The following RFX3 variants were observed in gnomAD, a reference collection of about 807,000 sequenced individuals.
The protein encoded by RFX3 is regulatory factor X3.
In RFX3, 14 loss-of-function variants were observed where a neutral mutation model predicts 98.6. The observed-to-expected ratio is 0.14, with a 90% confidence interval of 0.09 to 0.22. RFX3 has a LOEUF of 0.22. Ranked by LOEUF, RFX3 falls within the 10% of genes least tolerant of loss-of-function variation. RFX3 has a pLI of 1.00. For missense variants in RFX3, 639 were observed against 926.9 expected, an observed-to-expected ratio of 0.69 and a Z score of 4.03; for synonymous variants, 383 against 328.4, an observed-to-expected ratio of 1.17 and a Z score of -1.80.
chr9:3,493,963 G>C (rs1425038458), intron 1 of RFX3, among the ~76,000 whole-genome samples: 1 of 151,626 alleles, frequency 6.6e-6, no homozygotes, highest in Non-Finnish European at 1.5e-5. Context: ...ATCTCTGAAG[G>C]TTTCCCTAAC....
chr9:3,485,811 AC>A (rs1234925723), intron 1 of RFX3, among the ~76,000 whole-genome samples: 2 of 152,120 alleles, frequency 1.3e-5, no homozygotes, highest in Non-Finnish European at 2.9e-5. Context: ...AGAACTTTAA[AC>A]CTGGTAAAGA....
intron 1 of RFX3, among the ~76,000 whole-genome samples, chr9:3,450,748 AT>A (rs148784645): frequency 0.029 from 4,342 of 152,226 alleles, 221 homozygotes; most frequent in African/African-American, 0.1. Flanking sequence ...TCATTACAGA[AT>A]TTTTTTAAAA....
intron 2 of RFX3, among the ~76,000 whole-genome samples, chr9:3,353,553 G>C (rs1193702692): frequency 6.6e-6 from 1 of 151,924 alleles, no homozygotes; most frequent in Non-Finnish European, 1.5e-5. Context: ...TGAACACCTA[G>C]GGCATTCTGT....
At chr9:3,356,759 T>A (rs1229220324) in intron 2 of RFX3, among the ~76,000 whole-genome samples, 1 of 151,948 alleles carries the variant, frequency 6.6e-6, no homozygotes, top group East Asian at 1.9e-4. Context: ...TCTAATAATA[T>A]ATTTACAGGA....
intron 1 of RFX3, among the ~76,000 whole-genome samples, chr9:3,503,996 G>C (rs1007731657): frequency 6.6e-6 from 1 of 151,044 alleles, no homozygotes; most frequent in Non-Finnish European, 1.5e-5. Context: ...TTTTTTAAGT[G>C]TTTCCAAAGA....
intron 3 of RFX3, among the ~76,000 whole-genome samples, chr9:3,339,621 T>C (rs1223432015): frequency 2.6e-5 from 4 of 152,174 alleles, no homozygotes; most frequent in African/African-American, 9.7e-5. Context: ...GCACCTATCA[T>C]GGGCCACTGT....
chr9:3,231,258 G>A (rs1818405720), intron 15 of RFX3, among the ~76,000 whole-genome samples: 1 of 152,098 alleles, frequency 6.6e-6, no homozygotes, highest in South Asian at 2.1e-4. Context: ...GTGAAGAAGA[G>A]ATAAGATTTT....
chr9:3,355,630 G>A (rs1482100990), intron 2 of RFX3, among the ~76,000 whole-genome samples: 1 of 151,752 alleles, frequency 6.6e-6, no homozygotes, highest in Non-Finnish European at 1.5e-5. Context: ...TTCCATAGTT[G>A]ATACGCAAAA....
At chr9:3,394,771 A>G in intron 2 of RFX3, 3 of 920,334 alleles carry the variant, frequency 3.3e-6, no homozygotes, top group Non-Finnish European at 3.9e-6. Context: ...GATCTTTCTC[A>G]CTTATGTTCT....
intron 1 of RFX3, among the ~76,000 whole-genome samples, chr9:3,462,085 C>T (rs1175581065): frequency 6.6e-6 from 1 of 151,848 alleles, no homozygotes; most frequent in Non-Finnish European, 1.5e-5. Context: ...TTTATGAGAC[C>T]AGTGTTACCC....
chr9:3,340,574 C>T (rs1339821466), intron 3 of RFX3, among the ~76,000 whole-genome samples: 2 of 152,054 alleles, frequency 1.3e-5, no homozygotes, highest in Admixed American at 1.3e-4. Context: ...ACAAACAACC[C>T]CATCAAAAAG....
intron 3 of RFX3, among the ~76,000 whole-genome samples, chr9:3,334,198 C>T (rs1260471949): frequency 6.6e-6 from 1 of 152,172 alleles, no homozygotes; most frequent in East Asian, 1.9e-4. Context: ...CTTCCTGTTG[C>T]TATTTGAGAT....
chr9:3,324,823 G>T lies in RFX3; in HGVS notation c.474+5436C>A, dbSNP rs192739812. ...ACTAAAAATACAAAAAATTAGCCAA[G>T]CATGGTGGCGGACACCTGTAATCCC... On this transcript the variant is annotated intron_variant, in intron 4 of 16. Coordinates refer to ENST00000617270, the MANE Select transcript of RFX3 (RefSeq NM_001282116.2). Among the ~76,000 whole-genome samples, 1,359 of 152,052 alleles carry T rather than the reference G, an allele frequency of 8.9e-3. 11 individuals are homozygous for T. The highest frequency in any genetic ancestry group is 0.014 in the Non-Finnish European group (936 of 67,984).
At chr9:3,327,388 C>A (rs1832040013) in intron 4 of RFX3, among the ~76,000 whole-genome samples, 1 of 152,082 alleles carries the variant, frequency 6.6e-6, no homozygotes, top group African/African-American at 2.4e-5. Flanking sequence ...GTGAGTCAAG[C>A]AGATCTTCAG....
chr9:3,264,426 T>G (rs1337114883), intron 12 of RFX3, among the ~76,000 whole-genome samples: 1 of 152,128 alleles, frequency 6.6e-6, no homozygotes, highest in Non-Finnish European at 1.5e-5. Context: ...AACAGGATGC[T>G]CTATCTTGAC....
intron 1 of RFX3, among the ~76,000 whole-genome samples, chr9:3,472,982 TGTGG>T (rs1848912775): frequency 6.6e-6 from 1 of 152,208 alleles, no homozygotes; most frequent in Non-Finnish European, 1.5e-5. Context: ...AGATTAGCAA[TGTGG>T]TTAAAAATAT....
chr9:3,349,582 C>T (rs181275551), intron 2 of RFX3, among the ~76,000 whole-genome samples: 14 of 152,054 alleles, frequency 9.2e-5, no homozygotes, highest in East Asian at 1.9e-4. Context: ...ACTTACTGCC[C>T]CCACACCCCC....
intron 1 of RFX3, among the ~76,000 whole-genome samples, chr9:3,476,202 TG>T (rs1203074241): frequency 6.6e-6 from 1 of 150,836 alleles, no homozygotes; most frequent in Non-Finnish European, 1.5e-5. Flanking sequence ...ATAATTCATA[TG>T]ATATTCATAT....
intron 12 of RFX3, among the ~76,000 whole-genome samples, chr9:3,263,584 T>C (rs1266313640): frequency 6.6e-6 from 1 of 152,226 alleles, no homozygotes; most frequent in Non-Finnish European, 1.5e-5. Context: ...AGATTTATTC[T>C]TACTACCTTT....
Sources: gnomAD v4.1 joint callset for allele counts (sites outside exome capture counted in the v4.1 genomes callset) on GRCh38, gnomAD v4.1.1 for gene constraint, MANE v1.5 for transcripts, NCBI Gene and HGNC (gene_info 2026-07-23, HGNC 2026-07-21) for gene names.